The following CUX1 variants were observed in gnomAD, a reference collection of about 807,000 sequenced individuals.
CUX1 encodes the protein protein CASP.
CUX1 carries 31 observed loss-of-function variants against 158.8 expected under a neutral mutation model. That is an observed-to-expected ratio of 0.20 (90% CI 0.15 to 0.26). The LOEUF is 0.26. Ranked by LOEUF, CUX1 falls within the 10% of genes least tolerant of loss-of-function variation. The pLI is 1.00. For missense variants in CUX1, 1,589 were observed against 2,014.6 expected, an observed-to-expected ratio of 0.79 and a Z score of 4.04; for synonymous variants, 879 against 862.1, an observed-to-expected ratio of 1.02 and a Z score of -0.34.
chr7:101,932,846 G>A (rs574382146), intron 2 of CUX1, among the ~76,000 whole-genome samples: 33 of 152,302 alleles, frequency 2.2e-4, no homozygotes, highest in African/African-American at 7.9e-4. Context: ...ATCAGGGTAG[G>A]TTCTAGGGCT....
At chr7:102,065,112 C>T (rs1381234886) in intron 3 of CUX1, among the ~76,000 whole-genome samples, 1 of 151,962 alleles carries the variant, frequency 6.6e-6, no homozygotes, top group Non-Finnish European at 1.5e-5. Flanking sequence ...GACAGGGTCT[C>T]ACTTGGTCAT....
chr7:102,114,939 A>AAGGG lies in CUX1; in HGVS notation c.608-252_608-249dup, dbSNP rs539543204. On this transcript the variant is annotated intron_variant, in intron 7 of 23. Transcript: ENST00000292535. The stretch of plus-strand genomic sequence containing the variant: ...AAGGGAGAGTGGGAAAGAAGAAAGG[A>AAGGG]AGGGAGGGAGGGAGGGAGGAAACTA... 4.8e-3 allele frequency among the ~76,000 whole-genome samples: 697 copies of AAGGG among 146,186 alleles called. 5 individuals are homozygous for AAGGG. Among genetic ancestry groups the AAGGG allele is most frequent in the African/African-American group, 0.017 (667 of 40,400 alleles).
At chr7:102,129,732 T>C (rs1263864057) in intron 8 of CUX1, among the ~76,000 whole-genome samples, 1 of 152,058 alleles carries the variant, frequency 6.6e-6, no homozygotes, top group Non-Finnish European at 1.5e-5. Flanking sequence ...CTAACTGTCT[T>C]CTATGTGCCA....
intron 12 of CUX1, among the ~76,000 whole-genome samples, chr7:102,192,672 C>T (rs1196933097): frequency 1.3e-5 from 2 of 152,148 alleles, no homozygotes; most frequent in African/African-American, 4.8e-5. Context: ...TGGTGGCTCA[C>T]ACTAGGGGGA....
At chr7:102,069,242 C>T (rs1825874541) in intron 3 of CUX1, among the ~76,000 whole-genome samples, 1 of 152,182 alleles carries the variant, frequency 6.6e-6, no homozygotes, top group Non-Finnish European at 1.5e-5. Flanking sequence ...ATGAGGGTCT[C>T]CCTGCACCAT....
rs1586449939 is a variant in CUX1 at position 102,251,782 on chromosome 7, AGAAT to A, written c.*2744_*2747del. On this transcript the variant is annotated 3_prime_UTR_variant, in exon 24 of 24. Transcript: ENST00000292535. ...CTTTAAATATCGTCTAATTTTCATA[AGAAT>A]GAAAAGAAGTTAACAGGAAATAGTA... The A allele has an allele frequency of 1.0e-6, 1 of 985,114 alleles. No homozygotes were observed. The highest frequency in any genetic ancestry group is 1.1e-4 in the East Asian group (1 of 8,830). The allele number at this position is 985,114 out of a possible 1,614,324, so 61.0% of individuals were successfully genotyped here.
At chr7:102,005,323 TTTTTTG>T (rs1817211951) in intron 2 of CUX1, among the ~76,000 whole-genome samples, 2 of 151,918 alleles carry the variant, frequency 1.3e-5, no homozygotes, top group African/African-American at 4.8e-5. Flanking sequence ...ACCGGCCTGG[TTTTTTG>T]TTTTGTTTTG....
rs150639733 is a variant in CUX1, at chr7:101,966,781, A to G, written c.141+50556A>G. Among the ~76,000 whole-genome samples the G allele has an allele frequency of 4.7e-3, 716 of 152,140 alleles. 10 individuals are homozygous for G. Among genetic ancestry groups the G allele is most frequent in the African/African-American group, 0.016 (673 of 41,508 alleles). ...TCTGTATCTCCCTATATTCACCAAA[A>G]TACACGTGGGACTTCCCTTCTGATC... is the stretch of plus-strand genomic sequence containing the variant. On this transcript the variant is annotated intron_variant, in intron 2 of 23. Coordinates refer to ENST00000292535, the MANE Select transcript of CUX1 (RefSeq NM_181552.4).
At chr7:102,172,501 C>T (rs1791839021) in intron 10 of CUX1, among the ~76,000 whole-genome samples, 1 of 152,188 alleles carries the variant, frequency 6.6e-6, no homozygotes, top group South Asian at 2.1e-4. Flanking sequence ...CTCAGGTTAT[C>T]CACCTCCCAA....
rs73403615 is a variant in CUX1, at chr7:101,879,497, T to G, written c.31-36618T>G. 5.6e-3 allele frequency among the ~76,000 whole-genome samples: 855 copies of G among 152,364 alleles called. 8 individuals carry two copies. The highest frequency in any genetic ancestry group is 0.019 in the African/African-American group (805 of 41,592). On this transcript the variant is annotated intron_variant, in intron 1 of 23. Coordinates refer to ENST00000292535, the MANE Select transcript of CUX1 (RefSeq NM_181552.4). ...GCATTCTAGCCGTTGGCTGTCCCAG[T>G]TGCTTCCCTGTGGCTGGGAGCCCCT...
At chr7:101,889,625 AG>A in intron 1 of CUX1, among the ~76,000 whole-genome samples, 1 of 152,122 alleles carries the variant, frequency 6.6e-6, no homozygotes, top group Non-Finnish European at 1.5e-5. Flanking sequence ...ACAAAAAATT[AG>A]CTGGGCCTGG....
At position 101,942,746 on chromosome 7, in the gene CUX1, C is replaced by T. The variant is rs563699555; in HGVS notation, c.141+26521C>T. On this transcript the variant is annotated intron_variant, in intron 2 of 23. Transcript: ENST00000292535. The stretch of plus-strand genomic sequence containing the variant: ...CCTCCCAAAGTACTGGGATCACAGG[C>T]GTGAGCCACCGCAGGCCTCCCAGAC... Among the ~76,000 whole-genome samples, 4 of 152,334 alleles carry T rather than the reference C, an allele frequency of 2.6e-5. No homozygotes were observed. The South Asian group carries it at 6.2e-4, about 24-fold the overall frequency.
At chr7:101,816,949 C>CGCCCCGGG (rs1443651103), upstream of CUX1, 2 of 982,928 alleles carry the variant, frequency 2.0e-6, no homozygotes, top group South Asian at 9.4e-5. Context: ...TCCCGGGGAG[C>CGCCCCGGG]GCCCCGGGGC....
At chr7:102,149,369 T>A (rs1333173195) in intron 8 of CUX1, among the ~76,000 whole-genome samples, 4 of 152,086 alleles carry the variant, frequency 2.6e-5, no homozygotes, top group African/African-American at 9.7e-5. Context: ...TCCTTCCGCC[T>A]CCCACTGGGT....
intron 5 of CUX1, among the ~76,000 whole-genome samples, chr7:102,100,017 C>T (rs782255937): frequency 2.0e-5 from 3 of 152,144 alleles, no homozygotes; most frequent in Non-Finnish European, 4.4e-5. Context: ...CAGCGACTCA[C>T]GCCTATAATC....
chr7:101,915,094 A>G (rs1804026812), intron 1 of CUX1, among the ~76,000 whole-genome samples: 1 of 152,112 alleles, frequency 6.6e-6, no homozygotes, highest in Non-Finnish European at 1.5e-5. Context: ...AGCCAGCTAG[A>G]GCAGCCACCT....
rs1167790855 is a variant in CUX1 at position 101,984,308 on chromosome 7, G to C, written c.142-43790G>C. ...ACATGGGTGTGCCTCCTATGGATGG[G>C]ACCAGTGGCTGACTCACCTTTCCAA... On this transcript the variant is annotated intron_variant, in intron 2 of 23. Transcript: ENST00000292535. Among the ~76,000 whole-genome samples the C allele has an allele frequency of 2.0e-5, 3 of 149,758 alleles. No homozygotes were observed. The East Asian group carries it at 5.9e-4, about 29-fold the overall frequency.
In CUX1 at chr7:102,201,244, C is replaced by G; in HGVS notation, c.2063-116C>G. ...ACAGGGGCCATGCTGGGGAAATACA[C>G]AGTGTGGTTCTCCCAAATAACCCAC... is the stretch of plus-strand genomic sequence containing the variant. On this transcript the variant is annotated intron_variant, in intron 17 of 23. Transcript: ENST00000292535. The surrounding 1 kb of genome is among the most constrained non-coding windows in gnomAD (Gnocchi z 5.0). The G allele has an allele frequency of 7.0e-7, 1 of 1,423,924 alleles. No individual in the cohort carries two copies. Among genetic ancestry groups the G allele is most frequent in the Non-Finnish European group, 9.5e-7 (1 of 1,051,768 alleles). 88.2% of individuals were successfully genotyped at this position (1,423,924 alleles called of 1,614,324 possible). A position where few individuals can be genotyped will look rare whatever the true frequency, so the allele number is the denominator to read the frequency against.
intron 4 of CUX1, among the ~76,000 whole-genome samples, chr7:102,080,045 G>A (rs1257471067): frequency 6.6e-6 from 1 of 152,228 alleles, no homozygotes; most frequent in Non-Finnish European, 1.5e-5. Flanking sequence ...TTTGCAGGCT[G>A]AGGAATTGGC....
Sources: gnomAD v4.1 joint callset for allele counts (sites outside exome capture counted in the v4.1 genomes callset) on GRCh38, gnomAD v4.1.1 for gene constraint, Gnocchi (gnomAD v3.1) non-coding constraint, MANE v1.5 for transcripts, NCBI Gene and HGNC (gene_info 2026-07-23, HGNC 2026-07-21) for gene names.